The following GOLM2 variants were observed in gnomAD, a reference collection of about 807,000 sequenced individuals.
GOLM2 encodes golgi membrane protein 2, also known as protein GOLM2.
A neutral mutation model predicts 55.9 loss-of-function variants in GOLM2; 26 were observed. The ratio of observed to expected loss-of-function variants is 0.47; its 90% CI spans 0.34 to 0.65. The LOEUF (loss-of-function observed/expected upper bound fraction) is 0.65, where lower values mean the gene tolerates loss of function less well. Ranked by LOEUF, GOLM2 falls within the 30% of genes least tolerant of loss-of-function variation. The pLI, the probability that GOLM2 is intolerant of heterozygous loss-of-function variation, is 0.01. For missense variants in GOLM2, 486 were observed against 531.8 expected, an observed-to-expected ratio of 0.91 and a Z score of 0.85; for synonymous variants, 165 against 194.6, an observed-to-expected ratio of 0.85 and a Z score of 1.27.
Position 44,331,865 on chromosome 15 carries a change from T to C in GOLM2, c.486-123T>C. The C allele has an allele frequency of 4.6e-6, 3 of 658,770 alleles. No individual in the cohort carries two copies. In the South Asian group the frequency reaches 5.5e-5, roughly 12 times the overall value. The allele number at this position is 658,770 out of a possible 1,614,324, so 40.8% of individuals were successfully genotyped here. ...GTGAGCTATTTGTATGCTCTGTTTT[T>C]TCCAGCCCACTCTCCCCTGCTAACT... is the stretch of plus-strand genomic sequence containing the variant. On this transcript the variant is annotated intron_variant, in intron 3 of 9. Transcript: ENST00000299957.
chr15:44,412,302 C>G (rs1235538364), intron 9 of GOLM2, among the ~76,000 whole-genome samples: 1 of 152,180 alleles, frequency 6.6e-6, no homozygotes, highest in Non-Finnish European at 1.5e-5. Context: ...GATCACAACT[C>G]ATAGCCAAGA....
At chr15:44,368,184 C>T (rs983652358) in intron 6 of GOLM2, among the ~76,000 whole-genome samples, 1 of 151,868 alleles carries the variant, frequency 6.6e-6, no homozygotes, top group Admixed American at 6.6e-5. Context: ...GTCACCCAGG[C>T]TGGAGTGCAG....
At chr15:44,318,607 G>T (rs2078928096) in intron 1 of GOLM2, among the ~76,000 whole-genome samples, 1 of 152,034 alleles carries the variant, frequency 6.6e-6, no homozygotes, top group Non-Finnish European at 1.5e-5. Context: ...TACTTGGGAG[G>T]CTAAGGCAGG....
At chr15:44,343,551 C>T (rs2079102515) in intron 6 of GOLM2, among the ~76,000 whole-genome samples, 1 of 151,644 alleles carries the variant, frequency 6.6e-6, no homozygotes, top group South Asian at 2.1e-4. Flanking sequence ...CCTGGCTGGG[C>T]ATAGTGGCTC....
At chr15:44,321,914 C>T (rs1293063951) in intron 1 of GOLM2, among the ~76,000 whole-genome samples, 1 of 151,830 alleles carries the variant, frequency 6.6e-6, no homozygotes, top group African/African-American at 2.4e-5. Context: ...TAAAAATTAA[C>T]TGGGTATTAT....
At chr15:44,354,006 G>C (rs2079181427) in intron 6 of GOLM2, among the ~76,000 whole-genome samples, 1 of 152,102 alleles carries the variant, frequency 6.6e-6, no homozygotes, top group Non-Finnish European at 1.5e-5. Context: ...ATTACACGTT[G>C]TATGCCTGTA....
At chr15:44,352,066 A>G (rs1226733557) in intron 6 of GOLM2, among the ~76,000 whole-genome samples, 1 of 152,216 alleles carries the variant, frequency 6.6e-6, no homozygotes, top group Non-Finnish European at 1.5e-5. Flanking sequence ...AATGGAAAAA[A>G]CAATCCTAAA....
At chr15:44,389,467 G>T (rs957375913) in intron 8 of GOLM2, among the ~76,000 whole-genome samples, 16 of 152,110 alleles carry the variant, frequency 1.1e-4, no homozygotes, top group Non-Finnish European at 2.1e-4. Flanking sequence ...AGCAGAGGTT[G>T]CAGTGAGCCA....
In GOLM2 at chr15:44,395,412, A is replaced by G. The variant is rs193011574; in HGVS notation, c.1073-7475A>G. On this transcript the variant is annotated intron_variant, in intron 8 of 9. Transcript: ENST00000299957. ...CTCATCTTGGTGTTTCCTTTGACTT[A>G]TAGTACAGAATTAAAATATACGGCC... Among the ~76,000 whole-genome samples, 680 of 152,150 alleles carry G rather than the reference A, an allele frequency of 4.5e-3. 4 individuals are homozygous for G. The highest frequency in any genetic ancestry group is 0.016 in the African/African-American group (647 of 41,514).
rs144715600 is a variant in GOLM2 at position 44,314,962 on chromosome 15, G to A, written c.328-8003G>A. 6.2e-3 allele frequency among the ~76,000 whole-genome samples: 950 copies of A among 152,306 alleles called. 10 individuals carry two copies. The highest frequency in any genetic ancestry group is 0.021 in the African/African-American group (874 of 41,568). On this transcript the variant is annotated intron_variant, in intron 1 of 9. Coordinates refer to ENST00000299957, the MANE Select transcript of GOLM2 (RefSeq NM_138423.4). ...GCACAAAAATAATCATTTAATACCC[G>A]CTTGTTATTATTAATGCTATTCCAT... is the stretch of plus-strand genomic sequence containing the variant.
chr15:44,386,817 G>A (rs1371292211), intron 8 of GOLM2, among the ~76,000 whole-genome samples: 1 of 152,138 alleles, frequency 6.6e-6, no homozygotes, highest in Non-Finnish European at 1.5e-5. Context: ...GTTATGGTGA[G>A]CTATGATTGT....
intron 8 of GOLM2, among the ~76,000 whole-genome samples, chr15:44,385,296 A>G (rs1308230308): frequency 6.6e-6 from 1 of 151,680 alleles, no homozygotes; most frequent in African/African-American, 2.4e-5. Flanking sequence ...TCCCACCAGC[A>G]ACGTATAAGA....
intron 1 of GOLM2, among the ~76,000 whole-genome samples, chr15:44,308,849 G>T (rs1332750099): frequency 1.3e-5 from 2 of 152,134 alleles, no homozygotes; most frequent in African/African-American, 2.4e-5. Context: ...GAGTCAAAAG[G>T]TACCTACAGA....
chr15:44,368,085 A>G (rs890647474), intron 6 of GOLM2, among the ~76,000 whole-genome samples: 1 of 151,970 alleles, frequency 6.6e-6, no homozygotes, highest in Non-Finnish European at 1.5e-5. Flanking sequence ...AAATTTTACA[A>G]TGCTATCTTT....
chr15:44,321,483 A>G (rs1476686192), intron 1 of GOLM2, among the ~76,000 whole-genome samples: 160 of 133,326 alleles, frequency 1.2e-3, no homozygotes, highest in African/African-American at 4.5e-3. Flanking sequence ...AAAAAAAAAA[A>G]AGGGGGGGTG....
In GOLM2 at chr15:44,307,212, CTT is replaced by C. The variant is rs199591388; in HGVS notation, c.328-15736_328-15735del. On this transcript the variant is annotated intron_variant, in intron 1 of 9. Coordinates refer to ENST00000299957, the MANE Select transcript of GOLM2 (RefSeq NM_138423.4). ...GCTGGAAACTAACATGATACTAATTCTTTTTTTTTTTTTTTTTTGAGACAGAG... is the reference window on the plus strand; with the variant it reads ...GCTGGAAACTAACATGATACTAATTCTTTTTTTTTTTTTTTTGAGACAGAG... The C allele has an allele frequency of 9.2e-4, 125 of 135,854 alleles. No individual in the cohort carries two copies. In the Middle Eastern group the frequency reaches 0.038, roughly 41 times the overall value. 8.4% of individuals were successfully genotyped at this position (135,854 alleles called of 1,614,324 possible).
chr15:44,388,637 G>A (rs1048769256), intron 8 of GOLM2, among the ~76,000 whole-genome samples: 12 of 152,262 alleles, frequency 7.9e-5, no homozygotes, highest in African/African-American at 2.9e-4. Flanking sequence ...TCGTGCCACT[G>A]CACTCCAGCC....
intron 2 of GOLM2, 112 bp downstream of exon 2, chr15:44,323,131 C>T: frequency 3.1e-6 from 2 of 641,480 alleles, no homozygotes; most frequent in Non-Finnish European, 5.3e-6. Flanking sequence ...TCTGAACAAA[C>T]TCCTCTGATG....
At chr15:44,341,029 T>C (rs1422158246) in intron 6 of GOLM2, among the ~76,000 whole-genome samples, 1 of 152,002 alleles carries the variant, frequency 6.6e-6, no homozygotes, top group Non-Finnish European at 1.5e-5. Flanking sequence ...TATTTGTGTT[T>C]AAATATATAT....
Sources: gnomAD v4.1 joint callset for allele counts (sites outside exome capture counted in the v4.1 genomes callset) on GRCh38, gnomAD v4.1.1 for gene constraint, MANE v1.5 for transcripts, NCBI Gene and HGNC (gene_info 2026-07-23, HGNC 2026-07-21) for gene names.